Variants in TXNDC12 observed in about 807,000 individuals in gnomAD.
TXNDC12 encodes the protein thioredoxin domain-containing protein 12.
TXNDC12 carries 22 observed loss-of-function variants against 24.2 expected under a neutral mutation model. The observed-to-expected ratio is 0.91, with a 90% CI of 0.65 to 1.30. The LOEUF (loss-of-function observed/expected upper bound fraction) is 1.30. Among genes scored for constraint, TXNDC12 ranks in the 50% most tolerant of loss-of-function variants. TXNDC12 has a pLI of 0.00. For missense variants in TXNDC12, 184 were observed against 205.8 expected (o/e 0.89, Z 0.65); for synonymous variants, 58 against 73.4 (o/e 0.79, Z 1.07).
intron 2 of TXNDC12, among the ~76,000 whole-genome samples, 177 bp downstream of exon 2, chr1:52,041,360 A>C (rs535617322): frequency 1.3e-5 from 2 of 152,000 alleles, no homozygotes; most frequent in African/African-American, 2.4e-5. Flanking sequence ...AAGAAAAAAA[A>C]CCCATGTTGT....
intron 6 of TXNDC12, among the ~76,000 whole-genome samples, chr1:52,022,040 C>T (rs903327453): frequency 6.6e-6 from 1 of 152,136 alleles, no homozygotes; most frequent in African/African-American, 2.4e-5. Context: ...TGCCCTTCTC[C>T]ACGTGGAAAA....
At position 52,041,539 on chromosome 1, in the gene TXNDC12, G is replaced by A. The variant is rs750457568; in HGVS notation, c.156C>T (p.Ala52=). ...TLEDGKKEAA[A]SGLPLMVIIH... Reference sequence around the variant, plus strand: ...TGACCTAAAACCATGTCTTGTACCTGGCAGCTGCTTCTTTCTTCCCATCTT... The same window carrying A: ...TGACCTAAAACCATGTCTTGTACCTAGCAGCTGCTTCTTTCTTCCCATCTT... The change falls in exon 2 of 7, where the codon GCC becomes GCT. Residue 52 remains alanine, a splice_region_variant and synonymous_variant. Transcript: ENST00000371626. 6.2e-7 allele frequency: 1 copy of A among 1,609,748 alleles called. No homozygotes were observed. The highest frequency in any genetic ancestry group is 1.1e-5 in the South Asian group (1 of 90,752).
At chr1:52,036,623 C>T (rs1209131063) in intron 2 of TXNDC12, among the ~76,000 whole-genome samples, 1 of 152,124 alleles carries the variant, frequency 6.6e-6, no homozygotes, top group East Asian at 1.9e-4. Flanking sequence ...TATACAATAC[C>T]AATCTTTTTT....
At position 52,055,090 on chromosome 1, in the gene TXNDC12, T is replaced by A. The variant is rs1402503268; in HGVS notation, c.7A>T (p.Thr3Ser). The change falls in exon 1 of 7, where the codon ACG (threonine) becomes TCG (serine). Residue 3 changes from threonine (T) to serine (S), a missense_variant. By Grantham distance (58) the Thr-to-Ser change is moderately conservative (BLOSUM62 1). Transcript: ENST00000371626. ...CAGGTGGCCCCGAGACGAGGCCGCG[T>A]CTCCATGGCAGTAGGTGCGCGGGGC... is the stretch of plus-strand genomic sequence containing the variant. The part of the protein sequence containing the change: ME[T>S]RPRLGATCLL... 2 of 1,613,598 alleles carry A rather than the reference T, an allele frequency of 1.2e-6. No homozygotes were observed. Among genetic ancestry groups the A allele is most frequent in the Non-Finnish European group, 1.7e-6 (2 of 1,179,694 alleles).
At chr1:52,052,977 C>T (rs1459802089) in intron 1 of TXNDC12, among the ~76,000 whole-genome samples, 1 of 152,092 alleles carries the variant, frequency 6.6e-6, no homozygotes, top group Admixed American at 6.5e-5. Flanking sequence ...GGCGCAGTGG[C>T]TCCCGCCTAT....
intron 2 of TXNDC12, chr1:52,034,024 G>A (rs1221455020): frequency 7.2e-7 from 1 of 1,384,778 alleles, no homozygotes; most frequent in African/African-American, 1.5e-5. Flanking sequence ...TGCAGCGAAA[G>A]ACTGCCCGTC....
At chr1:52,033,618 C>T (rs1235126035) in intron 2 of TXNDC12, 1 of 1,612,608 alleles carries the variant, frequency 6.2e-7, no homozygotes, top group Non-Finnish European at 8.5e-7. Flanking sequence ...AATCGCCGTA[C>T]ACCGCTGGGT....
chr1:52,033,937 G>A, intron 2 of TXNDC12: 3 of 1,429,792 alleles, frequency 2.1e-6, no homozygotes, highest in Non-Finnish European at 2.7e-6. Flanking sequence ...AGCTTTCTCA[G>A]AAAGGAGATA....
chr1:52,032,256 A>T, intron 2 of TXNDC12: 20 of 989,428 alleles, frequency 2.0e-5, no homozygotes, highest in Non-Finnish European at 2.3e-5. Context: ...TACAGTACTC[A>T]AAAAATACTT....
intron 1 of TXNDC12, among the ~76,000 whole-genome samples, chr1:52,048,470 CT>C (rs1686139229): frequency 1.6e-5 from 2 of 123,894 alleles, no homozygotes; most frequent in East Asian, 4.9e-4. Context: ...TGTTTCTTTT[CT>C]TTAAAAAAAA....
At chr1:52,043,957 G>C (rs1686041036) in intron 1 of TXNDC12, 1 of 152,190 alleles carries the variant, frequency 6.6e-6, no homozygotes, top group Non-Finnish European at 1.5e-5. Flanking sequence ...CAACAGCATG[G>C]GATGCTGTCA....
intron 1 of TXNDC12, among the ~76,000 whole-genome samples, chr1:52,047,681 T>C (rs1346036343): frequency 6.6e-6 from 1 of 152,122 alleles, no homozygotes; most frequent in Non-Finnish European, 1.5e-5. Flanking sequence ...GTCAGGAGGA[T>C]TGCTTGAGCC....
At chr1:52,046,438 AG>A (rs1327455741) in intron 1 of TXNDC12, among the ~76,000 whole-genome samples, 2 of 152,188 alleles carry the variant, frequency 1.3e-5, no homozygotes, top group African/African-American at 4.8e-5. Context: ...GAGAGCAAAA[AG>A]AGAAGTCAAG....
chr1:52,024,465 C>A, intron 5 of TXNDC12, 45 bp downstream of exon 5: 1 of 1,451,870 alleles, frequency 6.9e-7, no homozygotes, highest in Non-Finnish European at 9.6e-7. Context: ...TCATTTCTCT[C>A]TCCATCCACA....
At chr1:52,027,194 G>C in intron 4 of TXNDC12, 81 bp downstream of exon 4, 1 of 1,039,504 alleles carries the variant, frequency 9.6e-7, no homozygotes, top group Non-Finnish European at 1.5e-6. Flanking sequence ...CACTAATGAA[G>C]CTGTAATGAA....
chr1:52,051,105 G>A (rs1686191350), intron 1 of TXNDC12: 1 of 168,366 alleles, frequency 5.9e-6, no homozygotes, highest in Non-Finnish European at 1.5e-5. Context: ...TTATTATGAG[G>A]CTTAGTCAAT....
intron 2 of TXNDC12, among the ~76,000 whole-genome samples, chr1:52,040,146 T>C (rs1408396804): frequency 8.5e-5 from 13 of 152,054 alleles, no homozygotes. Flanking sequence ...TTGGCCAGGG[T>C]GGTCTTGAAC....
chr1:52,046,694 T>C (rs1686095574), intron 1 of TXNDC12, among the ~76,000 whole-genome samples: 1 of 151,140 alleles, frequency 6.6e-6, no homozygotes, highest in Admixed American at 6.6e-5. Flanking sequence ...TGGTCTAACC[T>C]AACATGGTGA....
intron 1 of TXNDC12, among the ~76,000 whole-genome samples, chr1:52,045,649 GTTA>G (rs1470253621): frequency 6.6e-6 from 1 of 152,146 alleles, no homozygotes; most frequent in East Asian, 1.9e-4. Context: ...GAATACATAT[GTTA>G]TTATACATTT....
Sources: gnomAD v4.1 joint callset for allele counts (sites outside exome capture counted in the v4.1 genomes callset) on GRCh38, gnomAD v4.1.1 for gene constraint, MANE v1.5 for transcripts, NCBI Gene and HGNC (gene_info 2026-07-23, HGNC 2026-07-21) for gene names.